LYSMD2: variants seen among roughly 807,000 people sequenced by gnomAD.
LYSMD2 encodes LysM domain containing 2, also known as lysM and putative peptidoglycan-binding domain-containing protein 2.
Under a neutral mutation model 17.7 loss-of-function variants are expected in LYSMD2, and 6 were observed. The ratio of observed to expected loss-of-function variants is 0.34; its 90% CI spans 0.19 to 0.67. The LOEUF (loss-of-function observed/expected upper bound fraction) is 0.67, where lower values mean the gene tolerates loss of function less well. Among genes scored for constraint, LYSMD2 ranks in the 30% least tolerant of loss-of-function variants. The pLI, the probability that LYSMD2 is intolerant of heterozygous loss-of-function variation, is 0.69. For missense variants in LYSMD2, 237 were observed against 286.7 expected (o/e 0.83, Z 1.25); for synonymous variants, 102 against 129.8 (o/e 0.79, Z 1.45).
chr15:51,742,026 A>G (rs1038514908), upstream of LYSMD2, among the ~76,000 whole-genome samples: 7 of 150,878 alleles, frequency 4.6e-5, no homozygotes, highest in Admixed American at 4.6e-4. Flanking sequence ...GTTTGTCATC[A>G]CTCCAAAAAG....
chr15:51,741,886 C>T (rs1356613521), upstream of LYSMD2, among the ~76,000 whole-genome samples: 1 of 151,672 alleles, frequency 6.6e-6, no homozygotes, highest in Non-Finnish European at 1.5e-5. Flanking sequence ...CAACACTGCA[C>T]TCCAGCCTGG....
At chr15:51,738,578 C>T (rs972994773), upstream of LYSMD2, among the ~76,000 whole-genome samples, 1 of 152,218 alleles carries the variant, frequency 6.6e-6, no homozygotes, top group Non-Finnish European at 1.5e-5. Context: ...TTTCAACACA[C>T]TGTATTATAC....
chr15:51,730,596 C>G (rs1023796875), intron 1 of LYSMD2, among the ~76,000 whole-genome samples: 1 of 152,202 alleles, frequency 6.6e-6, no homozygotes, highest in Non-Finnish European at 1.5e-5. Flanking sequence ...CAGAAGATAC[C>G]TTAAGAGCAG....
upstream of LYSMD2, among the ~76,000 whole-genome samples, chr15:51,739,348 A>C (rs2055632078): frequency 6.6e-6 from 1 of 150,932 alleles, no homozygotes; most frequent in Non-Finnish European, 1.5e-5. Context: ...ATAAAAAAAA[A>C]AATAAATACA....
At chr15:51,742,775 T>A (rs532072284) in intron 1 of LYSMD2, among the ~76,000 whole-genome samples, 4 of 152,042 alleles carry the variant, frequency 2.6e-5, no homozygotes, top group Non-Finnish European at 4.4e-5. Flanking sequence ...CTGGCCAAAA[T>A]AGTCATATTT....
At chr15:51,735,797 T>C (rs2055605321) in intron 1 of LYSMD2, among the ~76,000 whole-genome samples, 1 of 152,220 alleles carries the variant, frequency 6.6e-6, no homozygotes. Flanking sequence ...CAGACGGCTG[T>C]GGGTCACAGA....
At position 51,737,358 on chromosome 15, in the gene LYSMD2, C is replaced by G; in HGVS notation, c.265G>C (p.Gly89Arg). The change falls in exon 1 of 3, where the codon GGT becomes CGT. Residue 89 changes from glycine to arginine, a missense_variant. Physicochemically the swap from Gly to Arg is moderately radical, Grantham distance 125 (BLOSUM62 -2). Transcript: ENST00000267838. The surrounding 1 kb of genome is among the most constrained non-coding windows in gnomAD (Gnocchi z 4.2). ...DTLQGIALKY[G>R]VTMEQIKRAN... is the part of the protein sequence containing the mutation. ...CGGCGCGCCCTGCTCACCGTGACACCGTACTTGAGCGCGATGCCCTGCAGC... is the reference window on the plus strand; with the variant it reads ...CGGCGCGCCCTGCTCACCGTGACACGGTACTTGAGCGCGATGCCCTGCAGC... 21 of 1,443,972 alleles carry G rather than the reference C, an allele frequency of 1.5e-5. No homozygotes were observed. The highest frequency in any genetic ancestry group is 1.8e-5 in the Non-Finnish European group (20 of 1,102,698). The allele number at this position is 1,443,972 out of a possible 1,614,324, so 89.4% of individuals were successfully genotyped here.
chr15:51,749,492 C>T (rs549704991), intron 1 of LYSMD2, among the ~76,000 whole-genome samples: 1 of 152,204 alleles, frequency 6.6e-6, no homozygotes, highest in Admixed American at 6.5e-5. Flanking sequence ...TTAAATCATT[C>T]CCCTGTCTGC....
At chr15:51,728,898 C>A (rs561399942) in intron 1 of LYSMD2, among the ~76,000 whole-genome samples, 1 of 152,016 alleles carries the variant, frequency 6.6e-6, no homozygotes, top group South Asian at 2.1e-4. Context: ...GTTTCTCCCC[C>A]AAAGTAAGAA....
chr15:51,742,631 G>C (rs1313536385), upstream of LYSMD2, among the ~76,000 whole-genome samples: 1 of 152,044 alleles, frequency 6.6e-6, no homozygotes, highest in Non-Finnish European at 1.5e-5. Flanking sequence ...TTTTTAACAG[G>C]GTCTTTCTCA....
At chr15:51,734,233 C>T (rs2141597127) in intron 1 of LYSMD2, among the ~76,000 whole-genome samples, 1 of 152,308 alleles carries the variant, frequency 6.6e-6, no homozygotes, top group East Asian at 1.9e-4. Flanking sequence ...GACTCCTTTT[C>T]TGGGTATTCC....
rs2141604571 is a variant in LYSMD2, at chr15:51,747,603, AT to A, written c.-1+3667del. On this transcript the variant is annotated intron_variant, in intron 1 of 2. Coordinates refer to the LYSMD2 transcript ENST00000454181. ...GAATTTTTAACAGCTGCTTTCTCAA[AT>A]TAAGATCACACATTACATTTTGTTA... Among the ~76,000 whole-genome samples, 3 of 152,380 alleles carry A rather than the reference AT, an allele frequency of 2.0e-5. No homozygotes were observed. The East Asian group carries it at 5.8e-4, about 29-fold the overall frequency.
upstream of LYSMD2, among the ~76,000 whole-genome samples, chr15:51,741,276 A>G (rs929402315): frequency 2.6e-5 from 4 of 152,270 alleles, no homozygotes; most frequent in African/African-American, 9.6e-5. Context: ...TACATATTCA[A>G]TAAATGTTGC....
intron 1 of LYSMD2, among the ~76,000 whole-genome samples, chr15:51,746,115 G>T (rs1673654418): frequency 6.6e-6 from 1 of 152,070 alleles, no homozygotes; most frequent in Non-Finnish European, 1.5e-5. Flanking sequence ...ATACCCAAGA[G>T]AAATAAAAAT....
chr15:51,734,766 G>C (rs2055598150), intron 1 of LYSMD2, among the ~76,000 whole-genome samples: 1 of 152,220 alleles, frequency 6.6e-6, no homozygotes, highest in East Asian at 1.9e-4. Context: ...GGTCTTGCCA[G>C]TCAACAACAG....
At chr15:51,732,592 T>A (rs2055583625) in intron 1 of LYSMD2, among the ~76,000 whole-genome samples, 2 of 152,190 alleles carry the variant, frequency 1.3e-5, no homozygotes. Context: ...AGAGTCATAA[T>A]GATCTTTCCT....
At chr15:51,743,073 A>G (rs886533579) in intron 1 of LYSMD2, among the ~76,000 whole-genome samples, 8 of 152,118 alleles carry the variant, frequency 5.3e-5, no homozygotes, top group Non-Finnish European at 1.2e-4. Context: ...TAGATATTCT[A>G]TGTTATTTTC....
chr15:51,750,947 C>T (rs1009592561), intron 1 of LYSMD2, among the ~76,000 whole-genome samples: 5 of 152,180 alleles, frequency 3.3e-5, no homozygotes, highest in African/African-American at 1.2e-4. Context: ...CCCTCGGAAA[C>T]CCCAAGGAAG....
intron 1 of LYSMD2, among the ~76,000 whole-genome samples, chr15:51,730,524 T>C (rs76506975): frequency 6.6e-6 from 1 of 151,792 alleles, no homozygotes; most frequent in Non-Finnish European, 1.5e-5. Context: ...TCAAAAAAAA[T>C]TTTTTTTAAT....
Sources: allele counts gnomAD v4.1 joint callset (sites outside exome capture counted in the v4.1 genomes callset), GRCh38; gene constraint gnomAD v4.1.1; non-coding constraint Gnocchi (gnomAD v3.1); transcripts MANE v1.5; gene names NCBI Gene and HGNC (gene_info 2026-07-23, HGNC 2026-07-21).